RABGAP1L: variants seen among roughly 807,000 people sequenced by gnomAD.
RABGAP1L encodes the protein rab GTPase-activating protein 1-like.
In RABGAP1L, 63 loss-of-function variants were observed where a neutral mutation model predicts 137.7. That is an observed-to-expected ratio of 0.46 (90% CI 0.37 to 0.56). RABGAP1L has a LOEUF of 0.56. Ranked by LOEUF, RABGAP1L falls within the 20% of genes least tolerant of loss-of-function variation. RABGAP1L has a pLI of 0.00. For missense variants in RABGAP1L, 1,095 were observed against 1,244.0 expected, an observed-to-expected ratio of 0.88 and a Z score of 1.80; for synonymous variants, 431 against 433.7, an observed-to-expected ratio of 0.99 and a Z score of 0.08.
chr1:174,400,843 T>C lies in RABGAP1L; in HGVS notation c.1710+6698T>C, dbSNP rs773017737. Among the ~76,000 whole-genome samples, 7 of 152,232 alleles carry C rather than the reference T, an allele frequency of 4.6e-5. No homozygotes were observed. In the Middle Eastern group the frequency reaches 0.014, roughly 296 times the overall value. On this transcript the variant is annotated intron_variant, in intron 13 of 25. Transcript: ENST00000681986. ...TGCCATGGTAGGATAGACAGTAATA[T>C]TGAACATAGAATAGGGCCGGGATTA...
chr1:174,170,631 C>T (rs148772582), intron 1 of RABGAP1L, among the ~76,000 whole-genome samples: 1,618 of 147,056 alleles, frequency 0.011, 30 homozygotes, highest in African/African-American at 0.039. Context: ...GCCGAGATTG[C>T]GCCACTGCAC....
intron 11 of RABGAP1L, among the ~76,000 whole-genome samples, chr1:174,323,098 T>C (rs1348489992): frequency 6.6e-6 from 1 of 152,166 alleles, no homozygotes; most frequent in Non-Finnish European, 1.5e-5. Flanking sequence ...GGCCTTTTGC[T>C]CTAATTTAGT....
intron 13 of RABGAP1L, among the ~76,000 whole-genome samples, chr1:174,631,804 GT>G (rs1365255648): frequency 6.6e-6 from 1 of 150,714 alleles, no homozygotes; most frequent in Non-Finnish European, 1.5e-5. Context: ...CGTGAGATGG[GT>G]TTCCTGAATA....
chr1:174,489,644 A>G (rs546963914), intron 13 of RABGAP1L, among the ~76,000 whole-genome samples: 73 of 152,328 alleles, frequency 4.8e-4, no homozygotes, highest in African/African-American at 1.7e-3. Flanking sequence ...ATCTAGAACT[A>G]GAAATAGCAT....
chr1:174,194,423 A>G (rs1260919089), intron 1 of RABGAP1L, among the ~76,000 whole-genome samples: 1 of 151,926 alleles, frequency 6.6e-6, no homozygotes, highest in African/African-American at 2.4e-5. Flanking sequence ...TTTAGTAGAG[A>G]TGGGGTTTCA....
chr1:174,165,617 G>GC (rs1162046571), intron 1 of RABGAP1L, among the ~76,000 whole-genome samples: 3 of 151,776 alleles, frequency 2.0e-5, no homozygotes, highest in East Asian at 3.9e-4. Flanking sequence ...TTCTGCCTCA[G>GC]CCCCCAAGTG....
chr1:174,668,700 T>C (rs968302168), intron 14 of RABGAP1L, among the ~76,000 whole-genome samples: 1 of 152,198 alleles, frequency 6.6e-6, no homozygotes, highest in African/African-American at 2.4e-5. Flanking sequence ...GTTTTGAATA[T>C]GGTTTTACTA....
rs758575633 is a variant in RABGAP1L, at chr1:174,811,822, T to G, written c.2212-10T>G. ...AAATGTAATGACGATTCTTGATGATTATTTTGCAGACCTCAAAGGAAGACC... is the reference window on the plus strand; with the variant it reads ...AAATGTAATGACGATTCTTGATGATGATTTTGCAGACCTCAAAGGAAGACC... On this transcript the variant is annotated splice_polypyrimidine_tract_variant and intron_variant, in intron 18 of 25. Coordinates refer to ENST00000681986, the MANE Select transcript of RABGAP1L (RefSeq NM_001366446.1). 16 of 1,540,370 alleles carry G rather than the reference T, an allele frequency of 1.0e-5. No individual in the cohort carries two copies. Among genetic ancestry groups the G allele is most frequent in the Non-Finnish European group, 1.0e-5 (12 of 1,147,134 alleles).
Position 174,990,089 on chromosome 1 carries a change from C to A in RABGAP1L, c.*88C>A. ...TCCTGGTGTCCCTTTGAAGGAAAGT[C>A]AAGGAGGCCAGAAAACAAGCCAGAA... On this transcript the variant is annotated 3_prime_UTR_variant, in exon 26 of 26. Coordinates refer to ENST00000681986, the MANE Select transcript of RABGAP1L (RefSeq NM_001366446.1). 1 of 1,394,188 alleles carries A rather than the reference C, an allele frequency of 7.2e-7. No homozygotes were observed. 86.4% of individuals were successfully genotyped at this position (1,394,188 alleles called of 1,614,324 possible). A position where few individuals can be genotyped will look rare whatever the true frequency, so the allele number is the denominator to read the frequency against.
intron 17 of RABGAP1L, among the ~76,000 whole-genome samples, chr1:174,709,687 A>G (rs1680329634): frequency 6.6e-6 from 1 of 152,232 alleles, no homozygotes; most frequent in South Asian, 2.1e-4. Flanking sequence ...CCAACATCAA[A>G]GACCAAAGAT....
chr1:174,586,210 T>A (rs563120785), intron 13 of RABGAP1L, among the ~76,000 whole-genome samples: 76 of 152,282 alleles, frequency 5.0e-4, no homozygotes, highest in African/African-American at 1.8e-3. Context: ...AGGAATGAGA[T>A]CATGTCCTTT....
chr1:174,306,526 C>G (rs966085835), intron 11 of RABGAP1L, among the ~76,000 whole-genome samples: 7 of 152,160 alleles, frequency 4.6e-5, no homozygotes, highest in Non-Finnish European at 4.4e-5. Context: ...TGATGATGAG[C>G]ATTTTTTCAT....
At chr1:174,425,816 T>G (rs968779509) in intron 13 of RABGAP1L, among the ~76,000 whole-genome samples, 1 of 152,028 alleles carries the variant, frequency 6.6e-6, no homozygotes, top group African/African-American at 2.4e-5. Context: ...ATAAAGACAT[T>G]CCAGGGATAT....
intron 1 of RABGAP1L, among the ~76,000 whole-genome samples, chr1:174,207,583 C>T (rs934951867): frequency 6.6e-6 from 1 of 152,152 alleles, no homozygotes; most frequent in Non-Finnish European, 1.5e-5. Flanking sequence ...AGTCCAACTT[C>T]CTACCTGATG....
chr1:174,598,886 CTT>C (rs1670197512), intron 13 of RABGAP1L, among the ~76,000 whole-genome samples: 1 of 151,882 alleles, frequency 6.6e-6, no homozygotes, highest in South Asian at 2.1e-4. Context: ...TGATTGGAGA[CTT>C]TAGTTCACTT....
chr1:174,438,744 G>GTGTATATATATA (rs1161311071), intron 13 of RABGAP1L, among the ~76,000 whole-genome samples: 22 of 95,448 alleles, frequency 2.3e-4, no homozygotes, highest in African/African-American at 4.3e-4. Context: ...GTGTGTGTGT[G>GTGTATATATATA]TATATATATA....
At chr1:174,201,141 G>T (rs1668064394) in intron 1 of RABGAP1L, among the ~76,000 whole-genome samples, 1 of 151,950 alleles carries the variant, frequency 6.6e-6, no homozygotes, top group East Asian at 1.9e-4. Context: ...TTTTTGCAGA[G>T]ACAAGAGTCT....
At chr1:174,620,342 C>A (rs577886806) in intron 13 of RABGAP1L, among the ~76,000 whole-genome samples, 1 of 152,350 alleles carries the variant, frequency 6.6e-6, no homozygotes, top group East Asian at 1.9e-4. Flanking sequence ...TTCTTTTCAG[C>A]ACCACACCAC....
intron 19 of RABGAP1L, among the ~76,000 whole-genome samples, chr1:174,893,556 A>G (rs542255568): frequency 6.6e-6 from 1 of 152,362 alleles, no homozygotes; most frequent in African/African-American, 2.4e-5. Flanking sequence ...GCTGTACAAC[A>G]AATATCTTCT....
Sources: gnomAD v4.1 joint callset for allele counts (sites outside exome capture counted in the v4.1 genomes callset) on GRCh38, gnomAD v4.1.1 for gene constraint, MANE v1.5 for transcripts, NCBI Gene and HGNC (gene_info 2026-07-23, HGNC 2026-07-21) for gene names.